Variants in TMCC1 observed in about 807,000 individuals in gnomAD.
The protein encoded by TMCC1 is transmembrane and coiled-coil domains protein 1.
A neutral mutation model predicts 52.4 loss-of-function variants in TMCC1; 15 were observed. The observed-to-expected ratio is 0.29, with a 90% CI of 0.19 to 0.44. TMCC1 has a LOEUF of 0.44. TMCC1 is among the 20% of genes least tolerant of loss of function. The pLI is 1.00. For missense variants in TMCC1, 503 were observed against 806.0 expected (o/e 0.62, Z 4.55); for synonymous variants, 279 against 301.9 (o/e 0.92, Z 0.79).
intron 1 of TMCC1, among the ~76,000 whole-genome samples, chr3:129,884,449 G>A (rs1303492465): frequency 3.3e-5 from 5 of 152,028 alleles, no homozygotes; most frequent in Admixed American, 2.6e-4. Flanking sequence ...GCAACATAGT[G>A]CAACCCCATT....
chr3:129,813,486 A>T (rs112330613), intron 4 of TMCC1, among the ~76,000 whole-genome samples: 118 of 152,324 alleles, frequency 7.7e-4, no homozygotes, highest in Middle Eastern at 3.4e-3. Flanking sequence ...CAATAAAAAA[A>T]TAATGAGATC....
At chr3:129,740,889 C>T (rs887324648) in intron 4 of TMCC1, among the ~76,000 whole-genome samples, 2 of 152,166 alleles carry the variant, frequency 1.3e-5, no homozygotes, top group Admixed American at 1.3e-4. Flanking sequence ...TTTACAACAT[C>T]TAGTTCTGGT....
intron 4 of TMCC1, among the ~76,000 whole-genome samples, chr3:129,737,315 C>T (rs1043348182): frequency 1.9e-4 from 28 of 151,132 alleles, no homozygotes; most frequent in Non-Finnish European, 3.7e-4. Context: ...CCCATCTCTA[C>T]GAAAAAAATA....
intron 2 of TMCC1, among the ~76,000 whole-genome samples, chr3:129,846,536 G>A (rs1176115783): frequency 2.0e-5 from 3 of 151,996 alleles, no homozygotes; most frequent in Non-Finnish European, 4.4e-5. Context: ...TATTTTATAA[G>A]GAGCAACATT....
At chr3:129,748,980 G>A (rs2052250793) in intron 4 of TMCC1, among the ~76,000 whole-genome samples, 1 of 151,952 alleles carries the variant, frequency 6.6e-6, no homozygotes, top group Non-Finnish European at 1.5e-5. Context: ...AGATGAGATT[G>A]CACCACTGCA....
intron 4 of TMCC1, among the ~76,000 whole-genome samples, chr3:129,737,544 A>G (rs1344010214): frequency 6.6e-6 from 1 of 152,096 alleles, no homozygotes; most frequent in African/African-American, 2.4e-5. Flanking sequence ...TGATGCAGCA[A>G]GAAGGTGACA....
intron 4 of TMCC1, among the ~76,000 whole-genome samples, chr3:129,743,395 T>C (rs2051634021): frequency 6.6e-6 from 1 of 152,162 alleles, no homozygotes; most frequent in Admixed American, 6.5e-5. Flanking sequence ...AGGAAGGAAT[T>C]AAACATTCCA....
intron 4 of TMCC1, among the ~76,000 whole-genome samples, chr3:129,774,158 T>G (rs62265568): frequency 0.082 from 12,441 of 152,222 alleles, 679 homozygotes; most frequent in East Asian, 0.18. Flanking sequence ...AGGAAAGATA[T>G]CAAGCTGAAA....
At chr3:129,815,170 TA>T (rs1020215622) in intron 4 of TMCC1, among the ~76,000 whole-genome samples, 7 of 151,124 alleles carry the variant, frequency 4.6e-5, no homozygotes, top group South Asian at 4.2e-4. Context: ...TCTCAACGAT[TA>T]AAAAAAAATA....
Position 129,670,324 on chromosome 3 carries a change from A to G in TMCC1, c.1511+6T>C, listed in dbSNP as rs780103399. On this transcript the variant is annotated splice_donor_region_variant and intron_variant, in intron 5 of 6. Coordinates refer to ENST00000393238, the MANE Select transcript of TMCC1 (RefSeq NM_001017395.5). Reference sequence around the variant, plus strand: ...TAATTTCAGATATTAATTCCATGTGACTTACCTATATCGCTCCTCCTGTAA... The same window carrying G: ...TAATTTCAGATATTAATTCCATGTGGCTTACCTATATCGCTCCTCCTGTAA... The G allele has an allele frequency of 1.9e-6, 3 of 1,609,742 alleles. No individual in the cohort carries two copies. In the Admixed American group the frequency reaches 5.0e-5, roughly 27 times the overall value.
intron 4 of TMCC1, among the ~76,000 whole-genome samples, chr3:129,825,848 A>G (rs1301937115): frequency 6.6e-6 from 1 of 152,218 alleles, no homozygotes; most frequent in East Asian, 1.9e-4. Flanking sequence ...AATGTTCTAT[A>G]TAATGACTGT....
chr3:129,880,261 T>C (rs1452728596), intron 2 of TMCC1, 48 bp downstream of exon 2: 1 of 152,176 alleles, frequency 6.6e-6, no homozygotes, highest in Admixed American at 6.5e-5. Flanking sequence ...TATACTGTTC[T>C]GAGTGCCTGG....
intron 4 of TMCC1, among the ~76,000 whole-genome samples, chr3:129,764,734 T>TGG (rs2053931878): frequency 2.6e-3 from 4 of 1,516 alleles, no homozygotes; most frequent in Non-Finnish European, 0.017. Context: ...CCTATAATAT[T>TGG]GTGTGTGTGT....
intron 4 of TMCC1, among the ~76,000 whole-genome samples, chr3:129,736,360 A>T (rs990910584): frequency 6.6e-6 from 1 of 152,202 alleles, no homozygotes; most frequent in Non-Finnish European, 1.5e-5. Flanking sequence ...AAACTGTGGC[A>T]ATAATTTTAT....
chr3:129,850,483 A>C (rs1199870536), intron 2 of TMCC1, among the ~76,000 whole-genome samples: 2 of 152,222 alleles, frequency 1.3e-5, no homozygotes, highest in African/African-American at 4.8e-5. Context: ...GCAAAGGCTT[A>C]ATCTCTGAAA....
chr3:129,682,519 C>G (rs1009967880), intron 4 of TMCC1, among the ~76,000 whole-genome samples: 1 of 152,114 alleles, frequency 6.6e-6, no homozygotes, highest in Non-Finnish European at 1.5e-5. Context: ...TCCCCTGCCT[C>G]CCTGAGCCTA....
intron 1 of TMCC1, among the ~76,000 whole-genome samples, chr3:129,887,633 C>A (rs983308046): frequency 1.3e-5 from 2 of 150,800 alleles, no homozygotes; most frequent in African/African-American, 4.9e-5. Flanking sequence ...ATACTGTGAG[C>A]ATTAAAAAAA....
chr3:129,679,879 G>A (rs1206656157), intron 4 of TMCC1, among the ~76,000 whole-genome samples: 1 of 151,640 alleles, frequency 6.6e-6, no homozygotes, highest in Non-Finnish European at 1.5e-5. Flanking sequence ...TATTTTTTGG[G>A]TGTGCTATGT....
chr3:129,875,722 AAG>A (rs2061171800), intron 2 of TMCC1, among the ~76,000 whole-genome samples: 1 of 152,166 alleles, frequency 6.6e-6, no homozygotes, highest in African/African-American at 2.4e-5. Context: ...AATGAAGAAA[AAG>A]AGGTCTTCCA....
Sources: gnomAD v4.1 joint callset for allele counts (sites outside exome capture counted in the v4.1 genomes callset) on GRCh38, gnomAD v4.1.1 for gene constraint, MANE v1.5 for transcripts, NCBI Gene and HGNC (gene_info 2026-07-23, HGNC 2026-07-21) for gene names.